The following PCDH9 variants were observed in gnomAD, a reference collection of about 807,000 sequenced individuals.
PCDH9 encodes the protein protocadherin-9.
PCDH9 carries 24 observed loss-of-function variants against 70.6 expected under a neutral mutation model. That is an observed-to-expected ratio of 0.34 (90% CI 0.25 to 0.48). The LOEUF (loss-of-function observed/expected upper bound fraction) is 0.48. Among genes scored for constraint, PCDH9 ranks in the 20% least tolerant of loss-of-function variants. PCDH9 has a pLI of 0.99. For synonymous variants in PCDH9, 562 were observed against 558.5 expected (o/e 1.01, Z -0.09); for missense variants, 1,281 against 1,503.6 (o/e 0.85, Z 2.45).
chr13:67,184,441 G>T (rs961308153), intron 2 of PCDH9, among the ~76,000 whole-genome samples: 1 of 151,928 alleles, frequency 6.6e-6, no homozygotes, highest in African/African-American at 2.4e-5. Flanking sequence ...AAAAACTAAG[G>T]GTAGGGCCCA....
intron 4 of PCDH9, among the ~76,000 whole-genome samples, chr13:66,329,022 G>A (rs539026684): frequency 1.4e-4 from 22 of 151,926 alleles, no homozygotes; most frequent in African/African-American, 3.9e-4. Flanking sequence ...TTATTTTCAC[G>A]AAAATAAGTT....
chr13:66,623,207 C>T (rs887945140), intron 4 of PCDH9, among the ~76,000 whole-genome samples: 3 of 152,204 alleles, frequency 2.0e-5, no homozygotes, highest in Non-Finnish European at 2.9e-5. Flanking sequence ...CACTATCAGC[C>T]GACTATTTGA....
intron 3 of PCDH9, among the ~76,000 whole-genome samples, chr13:66,685,034 A>G (rs2139069715): frequency 6.6e-6 from 1 of 152,096 alleles, no homozygotes; most frequent in African/African-American, 2.4e-5. Flanking sequence ...AGAAAAGAAA[A>G]AAAAAACATT....
chr13:67,080,910 T>C (rs893198360), intron 2 of PCDH9, among the ~76,000 whole-genome samples: 2 of 152,158 alleles, frequency 1.3e-5, no homozygotes, highest in Admixed American at 1.3e-4. Context: ...ACTCATGAAA[T>C]TATTTGAGTG....
At chr13:66,468,810 T>C (rs942841083) in intron 4 of PCDH9, among the ~76,000 whole-genome samples, 2 of 152,118 alleles carry the variant, frequency 1.3e-5, no homozygotes, top group Non-Finnish European at 2.9e-5. Flanking sequence ...ATATCTTTTT[T>C]ATAGAGAAAC....
intron 4 of PCDH9, among the ~76,000 whole-genome samples, chr13:66,622,590 G>A (rs1485984922): frequency 6.6e-6 from 1 of 152,162 alleles, no homozygotes; most frequent in African/African-American, 2.4e-5. Flanking sequence ...GTGGGGACTT[G>A]GAGAACCTTT....
intron 2 of PCDH9, chr13:67,220,791 A>G (rs2089707460): frequency 6.6e-6 from 1 of 152,146 alleles, no homozygotes; most frequent in Non-Finnish European, 1.5e-5. Context: ...TGTTTAATAC[A>G]ATAGTAACTT....
intron 3 of PCDH9, among the ~76,000 whole-genome samples, chr13:66,872,819 T>C (rs895028147): frequency 3.9e-5 from 6 of 152,160 alleles, no homozygotes; most frequent in Non-Finnish European, 8.8e-5. Flanking sequence ...GTTATATACA[T>C]ACTCAAAGAA....
intron 2 of PCDH9, chr13:67,225,002 A>T: frequency 9.7e-7 from 1 of 1,031,404 alleles, no homozygotes; most frequent in Non-Finnish European, 1.2e-6. Flanking sequence ...AAAGTCATTG[A>T]AAACTTGAGA....
intron 4 of PCDH9, among the ~76,000 whole-genome samples, chr13:66,624,623 C>T (rs985051788): frequency 2.0e-5 from 3 of 152,182 alleles, no homozygotes; most frequent in Non-Finnish European, 2.9e-5. Context: ...AGGGAACTTT[C>T]GAAAGACTTT....
chr13:67,195,880 A>C (rs2089050567), intron 2 of PCDH9, among the ~76,000 whole-genome samples: 1 of 152,168 alleles, frequency 6.6e-6, no homozygotes, highest in African/African-American at 2.4e-5. Flanking sequence ...GGAGTGATAA[A>C]AATGTTTTAA....
chr13:66,955,210 C>A (rs562280547), intron 2 of PCDH9, among the ~76,000 whole-genome samples: 3 of 152,170 alleles, frequency 2.0e-5, no homozygotes, highest in Non-Finnish European at 2.9e-5. Context: ...CCTAATAGAG[C>A]TTTTCAATCA....
intron 4 of PCDH9, among the ~76,000 whole-genome samples, chr13:66,538,323 A>G (rs557966875): frequency 8.5e-5 from 13 of 152,324 alleles, no homozygotes; most frequent in African/African-American, 2.9e-4. Context: ...ACCTTTTTAT[A>G]GACAAATATT....
intron 2 of PCDH9, among the ~76,000 whole-genome samples, chr13:67,011,711 T>C (rs1030100291): frequency 6.6e-5 from 10 of 151,902 alleles, no homozygotes; most frequent in Non-Finnish European, 1.5e-4. Context: ...ATAACCTATT[T>C]GGAGTGAGTC....
chr13:66,691,326 C>G (rs919576585), intron 3 of PCDH9, among the ~76,000 whole-genome samples: 3 of 152,176 alleles, frequency 2.0e-5, no homozygotes, highest in Non-Finnish European at 4.4e-5. Context: ...TCATGAGCCA[C>G]CGCACCCGGC....
intron 2 of PCDH9, among the ~76,000 whole-genome samples, chr13:67,070,579 A>T (rs991268119): frequency 7.9e-5 from 12 of 152,262 alleles, no homozygotes; most frequent in African/African-American, 2.9e-4. Context: ...AAGCAAAACA[A>T]CTATTTTATG....
intron 3 of PCDH9, among the ~76,000 whole-genome samples, chr13:66,892,263 C>T (rs576687646): frequency 2.0e-4 from 30 of 148,068 alleles, no homozygotes; most frequent in Non-Finnish European, 4.3e-4. Context: ...TACACACACA[C>T]GTAATGTAAG....
chr13:66,720,836 G>T (rs2078932927), intron 3 of PCDH9, among the ~76,000 whole-genome samples: 2 of 152,110 alleles, frequency 1.3e-5, no homozygotes, highest in East Asian at 1.9e-4. Context: ...AGTAATTAAA[G>T]AATATAATAG....
chr13:66,953,303 T>C (rs2083214205), intron 2 of PCDH9, among the ~76,000 whole-genome samples: 1 of 152,208 alleles, frequency 6.6e-6, no homozygotes, highest in South Asian at 2.1e-4. Context: ...CAGAGTACTG[T>C]AAATATTTAT....
Sources: allele counts gnomAD v4.1 joint callset (sites outside exome capture counted in the v4.1 genomes callset), GRCh38; gene constraint gnomAD v4.1.1; transcripts MANE v1.5; gene names NCBI Gene and HGNC (gene_info 2026-07-23, HGNC 2026-07-21).